Variants in SPRR2B observed in about 807,000 individuals in gnomAD.
SPRR2B encodes the protein small proline-rich protein 2B.
A neutral mutation model predicts 1.0 loss-of-function variants in SPRR2B; 1 was observed. The observed-to-expected ratio is 1.01, with a 90% CI of 0.36 to 4.77. SPRR2B has a LOEUF of 4.77. Among genes scored for constraint, SPRR2B ranks in the 30% most tolerant of loss-of-function variants. The probability of loss-of-function intolerance (pLI) is 0.16; values close to 1 mark genes in which losing one functional copy is unlikely to be tolerated. For synonymous variants in SPRR2B, 27 were observed against 33.4 expected (o/e 0.81, Z 0.66); for missense variants, 53 against 88.7 (o/e 0.60, Z 1.62).
chr1:153,079,172 T>C, the SPRR2B span, among the ~76,000 whole-genome samples: 1 of 152,058 alleles, frequency 6.6e-6, no homozygotes, highest in African/African-American at 2.4e-5. Flanking sequence ...TTTTGAGAAG[T>C]GTCTGTTTAT....
Position 153,070,334 on chromosome 1 carries a change from C to T in SPRR2B, c.*287G>A. On this transcript the variant is annotated 3_prime_UTR_variant, in exon 2 of 2. Coordinates refer to ENST00000368755, the MANE Select transcript of SPRR2B (RefSeq NM_001388198.1). ...AGACACAGAACACATCAACAGAATT[C>T]TCTGATGGTTCCCAGGCACACAGCT... 1 of 566,874 alleles carries T rather than the reference C, an allele frequency of 1.8e-6. No homozygotes were observed. Among genetic ancestry groups the T allele is most frequent in the East Asian group, 2.9e-5 (1 of 34,992 alleles). The allele number at this position is 566,874 out of a possible 1,614,324, so 35.1% of individuals were successfully genotyped here.
In SPRR2B at chr1:153,071,575, C is replaced by A. The variant is rs1333065896; in HGVS notation, c.-26G>T. 6.6e-6 allele frequency among the ~76,000 whole-genome samples: 1 copy of A among 152,194 alleles called. No homozygotes were observed. The highest frequency in any genetic ancestry group is 1.5e-5 in the Non-Finnish European group (1 of 68,026). ...CTCAAGGAAGCAGACTAACCAGTTT[C>A]TCCAAAGCAGATCGGTGCTCGAGTA... On this transcript the variant is annotated 5_prime_UTR_variant, in exon 1 of 2. Coordinates refer to ENST00000368755, the MANE Select transcript of SPRR2B (RefSeq NM_001388198.1).
chr1:153,073,968 G>T (rs962475311), upstream of SPRR2B, among the ~76,000 whole-genome samples: 1 of 152,060 alleles, frequency 6.6e-6, no homozygotes, highest in East Asian at 1.9e-4. Context: ...TCATTTGTGC[G>T]TGTGTGTGTT....
At chr1:153,075,848 T>TC (rs1654758578), upstream of SPRR2B, among the ~76,000 whole-genome samples, 1 of 152,206 alleles carries the variant, frequency 6.6e-6, no homozygotes, top group African/African-American at 2.4e-5. Context: ...TAAGGTAGAC[T>TC]GATCTTGACA....
chr1:153,073,684 C>CGA (rs1355350930), upstream of SPRR2B, among the ~76,000 whole-genome samples: 1 of 142,660 alleles, frequency 7.0e-6, no homozygotes, highest in Admixed American at 7.1e-5. Context: ...AGACATAGAG[C>CGA]GAGGCATACT....
At chr1:153,080,817 G>A in the SPRR2B span, among the ~76,000 whole-genome samples, 3 of 152,024 alleles carry the variant, frequency 2.0e-5, no homozygotes, top group South Asian at 4.1e-4. Flanking sequence ...AAAATATCTC[G>A]ACAAAAAATA....
At chr1:153,083,461 T>C in the SPRR2B span, among the ~76,000 whole-genome samples, 6 of 151,962 alleles carry the variant, frequency 3.9e-5, no homozygotes, top group Admixed American at 1.3e-4. Context: ...TTCCTGTGGC[T>C]CTGGGCAAGA....
At chr1:153,082,418 G>C in the SPRR2B span, among the ~76,000 whole-genome samples, 3 of 152,168 alleles carry the variant, frequency 2.0e-5, no homozygotes, top group Non-Finnish European at 4.4e-5. Context: ...GTTTTCTCAA[G>C]AGAACATGGA....
the SPRR2B span, among the ~76,000 whole-genome samples, chr1:153,077,772 AC>A: frequency 6.6e-6 from 1 of 152,132 alleles, no homozygotes; most frequent in Non-Finnish European, 1.5e-5. Context: ...GTGCCACCAC[AC>A]CCAGCTAATT....
chr1:153,071,264 C>T (rs1292268525), intron 1 of SPRR2B, among the ~76,000 whole-genome samples: 2 of 150,710 alleles, frequency 1.3e-5, no homozygotes, highest in Admixed American at 6.6e-5. Context: ...AGTGCTGGCT[C>T]TCACACCTGC....
chr1:153,077,598 A>G, the SPRR2B span, among the ~76,000 whole-genome samples: 2 of 151,802 alleles, frequency 1.3e-5, no homozygotes, highest in South Asian at 4.1e-4. Flanking sequence ...GAGTTGTATG[A>G]GTCAAATTTT....
chr1:153,086,266 C>A, the SPRR2B span, among the ~76,000 whole-genome samples: 18 of 152,290 alleles, frequency 1.2e-4, no homozygotes, highest in South Asian at 3.7e-3. Context: ...CATTGGTATG[C>A]TGTCTTCAAG....
chr1:153,077,596 T>C, the SPRR2B span, among the ~76,000 whole-genome samples: 3 of 152,082 alleles, frequency 2.0e-5, no homozygotes, highest in South Asian at 6.2e-4. Context: ...TAGAGTTGTA[T>C]GAGTCAAATT....
chr1:153,076,145 A>G (rs1255763187), upstream of SPRR2B, among the ~76,000 whole-genome samples: 2 of 152,226 alleles, frequency 1.3e-5, no homozygotes, highest in African/African-American at 4.8e-5. Context: ...TAAGACAATT[A>G]AAAGATTGCT....
chr1:153,085,980 G>T, the SPRR2B span, among the ~76,000 whole-genome samples: 2 of 152,150 alleles, frequency 1.3e-5, no homozygotes, highest in African/African-American at 4.8e-5. Flanking sequence ...ACAAGCAAAG[G>T]CTAAGGGAAT....
the SPRR2B span, among the ~76,000 whole-genome samples, chr1:153,079,641 T>C: frequency 2.0e-5 from 3 of 152,314 alleles, no homozygotes; most frequent in Non-Finnish European, 4.4e-5. Context: ...CCATTGCTTG[T>C]TTTTGTCAGG....
the SPRR2B span, among the ~76,000 whole-genome samples, chr1:153,081,756 T>C: frequency 6.6e-6 from 1 of 152,046 alleles, no homozygotes; most frequent in African/African-American, 2.4e-5. Context: ...TATATAAAGA[T>C]GTAATTTGTG....
At chr1:153,085,858 A>G in the SPRR2B span, among the ~76,000 whole-genome samples, 1 of 152,236 alleles carries the variant, frequency 6.6e-6, no homozygotes, top group African/African-American at 2.4e-5. Flanking sequence ...ACAAGCAAGA[A>G]GAGATTGGGA....
chr1:153,079,871 C>A, the SPRR2B span, among the ~76,000 whole-genome samples: 4 of 151,928 alleles, frequency 2.6e-5, no homozygotes, highest in African/African-American at 9.7e-5. Context: ...TCCATATGAA[C>A]TTTAAAGTAG....
Sources: allele counts gnomAD v4.1 joint callset (sites outside exome capture counted in the v4.1 genomes callset), GRCh38; gene constraint gnomAD v4.1.1; transcripts MANE v1.5; gene names NCBI Gene and HGNC (gene_info 2026-07-23, HGNC 2026-07-21).